Variants in C1QTNF3 observed in about 807,000 individuals in gnomAD.
C1QTNF3 encodes the protein complement C1q tumor necrosis factor-related protein 3.
In C1QTNF3, 26 loss-of-function variants were observed where a neutral mutation model predicts 32.6. That is an observed-to-expected ratio of 0.80 (90% CI 0.58 to 1.11). The LOEUF is 1.11. C1QTNF3 is among the 50% of genes least tolerant of loss of function. C1QTNF3 has a pLI of 0.00. For synonymous variants in C1QTNF3, 155 were observed against 146.0 expected (o/e 1.06, Z -0.44); for missense variants, 362 against 398.2 (o/e 0.91, Z 0.77).
the C1QTNF3 span, among the ~76,000 whole-genome samples, chr5:34,176,331 C>T: frequency 6.7e-6 from 1 of 149,798 alleles, no homozygotes; most frequent in Admixed American, 6.7e-5. Flanking sequence ...TGCAGCACAC[C>T]AGCATGGCAC....
At chr5:34,032,908 T>C (rs2112112042) in intron 3 of C1QTNF3, among the ~76,000 whole-genome samples, 1 of 152,332 alleles carries the variant, frequency 6.6e-6, no homozygotes. Flanking sequence ...AAATACAATA[T>C]TATAACTAGA....
chr5:34,130,341 G>T, the C1QTNF3 span, among the ~76,000 whole-genome samples: 1 of 151,666 alleles, frequency 6.6e-6, no homozygotes, highest in Non-Finnish European at 1.5e-5. Context: ...TTTCAATATA[G>T]CATTATTAAA....
At chr5:34,037,681 T>TAG (rs113561916) in intron 1 of C1QTNF3, among the ~76,000 whole-genome samples, 35 of 152,318 alleles carry the variant, frequency 2.3e-4, no homozygotes, top group African/African-American at 7.7e-4. Context: ...GGACAAGAAC[T>TAG]AGAGTCTATG....
chr5:34,102,160 A>G, the C1QTNF3 span, among the ~76,000 whole-genome samples: 1 of 151,724 alleles, frequency 6.6e-6, no homozygotes, highest in African/African-American at 2.4e-5. Flanking sequence ...AACCTATCAG[A>G]AAATCTCAGT....
At chr5:34,125,751 G>A in the C1QTNF3 span, among the ~76,000 whole-genome samples, 5 of 152,058 alleles carry the variant, frequency 3.3e-5, no homozygotes, top group Non-Finnish European at 5.9e-5. Flanking sequence ...TATTTCACAC[G>A]AGAGATATAT....
chr5:34,170,085 C>A, the C1QTNF3 span, among the ~76,000 whole-genome samples: 1 of 152,122 alleles, frequency 6.6e-6, no homozygotes, highest in South Asian at 2.1e-4. Context: ...TATATACACA[C>A]AATAGAATAT....
the C1QTNF3 span, among the ~76,000 whole-genome samples, chr5:34,228,094 T>C: frequency 1.3e-5 from 2 of 151,952 alleles, no homozygotes; most frequent in African/African-American, 4.8e-5. Flanking sequence ...TAATCAGACT[T>C]CACTGTCCAT....
intron 3 of C1QTNF3, 54 bp from the exon 4 acceptor site, chr5:34,028,937 G>T: frequency 1.3e-6 from 2 of 1,520,432 alleles, no homozygotes; most frequent in South Asian, 1.2e-5. Flanking sequence ...AAGAAGTCAA[G>T]TTTTTATGCA....
chr5:34,117,290 T>C, the C1QTNF3 span, among the ~76,000 whole-genome samples: 2 of 152,212 alleles, frequency 1.3e-5, no homozygotes. Flanking sequence ...TTAGTGATGG[T>C]TTCAGGGTGT....
chr5:34,210,730 TA>T, the C1QTNF3 span, among the ~76,000 whole-genome samples: 1 of 152,066 alleles, frequency 6.6e-6, no homozygotes, highest in African/African-American at 2.4e-5. Context: ...CTTCCAAGAT[TA>T]TACATAGAGT....
chr5:34,132,008 G>A, the C1QTNF3 span, among the ~76,000 whole-genome samples: 1 of 152,156 alleles, frequency 6.6e-6, no homozygotes, highest in Non-Finnish European at 1.5e-5. Flanking sequence ...AATTTACATA[G>A]TTAAAATAGA....
chr5:34,157,593 G>A, the C1QTNF3 span, among the ~76,000 whole-genome samples: 2 of 152,180 alleles, frequency 1.3e-5, no homozygotes, highest in Non-Finnish European at 2.9e-5. Flanking sequence ...GTTCTTAAAA[G>A]CAGAGAATCA....
the C1QTNF3 span, among the ~76,000 whole-genome samples, chr5:34,195,688 A>T: frequency 2.6e-5 from 4 of 152,272 alleles, no homozygotes; most frequent in Admixed American, 1.3e-4. Context: ...AAAAATACAA[A>T]AAATTAGCCG....
chr5:34,081,469 AT>A, the C1QTNF3 span, among the ~76,000 whole-genome samples: 1 of 151,756 alleles, frequency 6.6e-6, no homozygotes, highest in South Asian at 2.1e-4. Context: ...TATCAGTGCA[AT>A]TTGTTTCTCC....
the C1QTNF3 span, among the ~76,000 whole-genome samples, chr5:34,170,637 A>G: frequency 6.6e-6 from 1 of 152,154 alleles, no homozygotes; most frequent in African/African-American, 2.4e-5. Flanking sequence ...GTGCTCTTTA[A>G]TATCACTGAA....
chr5:34,241,947 G>GGGAGGGAA, the C1QTNF3 span, among the ~76,000 whole-genome samples: 1 of 86,072 alleles, frequency 1.2e-5, no homozygotes, highest in South Asian at 4.5e-4. Context: ...GAGGAAGGGA[G>GGGAGGGAA]GGAGGGAAGG....
chr5:34,150,242 C>T, the C1QTNF3 span, among the ~76,000 whole-genome samples: 1 of 78,886 alleles, frequency 1.3e-5, no homozygotes, highest in Non-Finnish European at 2.3e-5. Context: ...ACTTAGACTC[C>T]CACACATTAA....
the C1QTNF3 span, among the ~76,000 whole-genome samples, chr5:34,088,786 A>G: frequency 6.6e-6 from 1 of 152,250 alleles, no homozygotes; most frequent in Admixed American, 6.5e-5. Flanking sequence ...TGCTGAGATG[A>G]CTTGCGTGAG....
At chr5:34,160,768 T>C in the C1QTNF3 span, among the ~76,000 whole-genome samples, 1 of 151,980 alleles carries the variant, frequency 6.6e-6, no homozygotes, top group African/African-American at 2.4e-5. Context: ...AAATAATCCC[T>C]GACCCATGAC....
Sources: gnomAD v4.1 joint callset for allele counts (sites outside exome capture counted in the v4.1 genomes callset) on GRCh38, gnomAD v4.1.1 for gene constraint, MANE v1.5 for transcripts, NCBI Gene and HGNC (gene_info 2026-07-23, HGNC 2026-07-21) for gene names.